PCGF3: variants seen among roughly 807,000 people sequenced by gnomAD.
The protein encoded by PCGF3 is polycomb group RING finger protein 3.
Under a neutral mutation model 33.1 loss-of-function variants are expected in PCGF3, and 7 were observed. The observed-to-expected ratio is 0.21, with a 90% confidence interval of 0.12 to 0.40. The LOEUF is 0.40. Among genes scored for constraint, PCGF3 ranks in the 10% least tolerant of loss-of-function variants. The pLI is 1.00. For synonymous variants in PCGF3, 153 were observed against 121.3 expected (o/e 1.26, Z -1.72); for missense variants, 211 against 313.3 (o/e 0.67, Z 2.46).
At chr4:730,990 G>T (rs1321734343) in exon 3 of PCGF3, 1 of 398,610 alleles carries the variant, frequency 2.5e-6, no homozygotes, top group Non-Finnish European at 4.4e-6. Context: ...AAGAGCCAGG[G>T]CCGGAAGGAG....
At chr4:715,916 G>A (rs1281195791) in intron 1 of PCGF3, among the ~76,000 whole-genome samples, 1 of 131,166 alleles carries the variant, frequency 7.6e-6, no homozygotes, top group African/African-American at 2.7e-5. Context: ...CTGGGCGTCG[G>A]TGCTGGGACC....
intron 1 of PCGF3, among the ~76,000 whole-genome samples, chr4:729,098 TCAA>T (rs1743444741): frequency 2.2e-5 from 1 of 44,752 alleles, no homozygotes. Flanking sequence ...AGACTCCATC[TCAA>T]AAAAAAAAAA....
intron 8 of PCGF3, among the ~76,000 whole-genome samples, chr4:758,165 CAAAAAA>C (rs61081270): frequency 0.19 from 10,595 of 54,730 alleles, 556 homozygotes; most frequent in African/African-American, 0.32. Flanking sequence ...GACTCTGTCT[CAAAAAA>C]AAAAAAAAAA....
At chr4:723,049 C>G (rs1356624645) in intron 1 of PCGF3, among the ~76,000 whole-genome samples, 2 of 142,692 alleles carry the variant, frequency 1.4e-5, no homozygotes, top group African/African-American at 5.3e-5. Flanking sequence ...CTCACGTCAT[C>G]GCCATCCACG....
intron 1 of PCGF3, among the ~76,000 whole-genome samples, chr4:724,783 G>A (rs1743257036): frequency 2.0e-5 from 3 of 151,912 alleles, no homozygotes; most frequent in Admixed American, 2.0e-4. Context: ...GGGCGACAGA[G>A]CGAGATTCCG....
intron 1 of PCGF3, among the ~76,000 whole-genome samples, chr4:716,277 G>C (rs374805374): frequency 7.4e-6 from 1 of 134,980 alleles, no homozygotes; most frequent in African/African-American, 2.8e-5. Context: ...CTGGGACCCT[G>C]TAGACACTGA....
At chr4:734,839 G>A (rs1743762123) in intron 4 of PCGF3, 92 bp from the exon 5 acceptor site, 13 of 1,513,618 alleles carry the variant, frequency 8.6e-6, no homozygotes, top group Admixed American at 2.1e-5. Flanking sequence ...ACAGAAACGA[G>A]CTCAGAGACG....
At position 747,602 on chromosome 4, in the gene PCGF3, G is replaced by GC. The variant is rs1310315663; in HGVS notation, c.462+2917dup. ...GTGGAGGCGTGAGCAGGTGGGCGGGGCCCGGGGGTCGCTGCAGTGTTAGTG... is the reference window on the plus strand; with the variant it reads ...GTGGAGGCGTGAGCAGGTGGGCGGGGCCCCGGGGGTCGCTGCAGTGTTAGTG... On this transcript the variant is annotated intron_variant, in intron 8 of 10. Transcript: ENST00000362003. 4.7e-4 allele frequency among the ~76,000 whole-genome samples: 12 copies of GC among 25,410 alleles called. 2 individuals are homozygous for GC. Among genetic ancestry groups the GC allele is most frequent in the Middle Eastern group, 0.018 (1 of 56 alleles). 16.7% of individuals were successfully genotyped at this position (25,410 alleles called of 152,430 possible).
rs1474323794 is a variant in PCGF3, at chr4:723,906, G to A, written c.-189-6724G>A. 4 of 152,488 alleles carry A rather than the reference G, an allele frequency of 2.6e-5. No individual in the cohort carries two copies. In the East Asian group the frequency reaches 5.8e-4, roughly 22 times the overall value. The allele number at this position is 152,488 out of a possible 1,614,324, so 9.4% of individuals were successfully genotyped here. On this transcript the variant is annotated intron_variant, in intron 1 of 10. Coordinates refer to ENST00000362003, the Ensembl canonical transcript of PCGF3. ...TGGCCGCAGCGCATTCCGGGGACAG[G>A]GCAGAGTGGAGTCAGCAGAGGGAGG...
At chr4:757,539 G>C (rs555781834) in intron 8 of PCGF3, 1 of 152,276 alleles carries the variant, frequency 6.6e-6, no homozygotes, top group African/African-American at 2.4e-5. Context: ...GCTTTCTGTT[G>C]GTGAATACTT....
chr4:761,456 C>G (rs371102392), intron 9 of PCGF3, 40 bp downstream of exon 9: 55 of 1,524,810 alleles, frequency 3.6e-5, no homozygotes, highest in Middle Eastern at 1.7e-4. Context: ...AACAAGTCCT[C>G]TCTTATTTCT....
chr4:729,824 G>A (rs1225671547), intron 1 of PCGF3, among the ~76,000 whole-genome samples: 1 of 152,194 alleles, frequency 6.6e-6, no homozygotes, highest in Non-Finnish European at 1.5e-5. Flanking sequence ...TTTAATCTCT[G>A]TCACTAAGCC....
intron 8 of PCGF3, among the ~76,000 whole-genome samples, chr4:753,099 T>C (rs1238506884): frequency 6.6e-6 from 1 of 152,226 alleles, no homozygotes; most frequent in Non-Finnish European, 1.5e-5. Flanking sequence ...AGCTGCCAGG[T>C]GGCCCAGGAG....
chr4:714,164 C>CA (rs1742703058), intron 1 of PCGF3, among the ~76,000 whole-genome samples: 1 of 152,170 alleles, frequency 6.6e-6, no homozygotes, highest in Admixed American at 6.5e-5. Flanking sequence ...CTGACCCCAC[C>CA]AGCCCCCAAA....
chr4:758,138 G>C lies in PCGF3; in HGVS notation c.463-3141G>C, dbSNP rs1744854470. On this transcript the variant is annotated intron_variant, in intron 8 of 10. Coordinates refer to ENST00000362003, the Ensembl canonical transcript of PCGF3. ...AGCCGAGATCGTGCCACGGCATCCA[G>C]CCTGGCTACAGAGGGAGACTCTGTC... Among the ~76,000 whole-genome samples the C allele has an allele frequency of 5.4e-5, 7 of 129,578 alleles. No individual in the cohort carries two copies. The South Asian group carries it at 1.5e-3, about 28-fold the overall frequency. 85.0% of individuals were successfully genotyped at this position (129,578 alleles called of 152,430 possible). A position where few individuals can be genotyped will look rare whatever the true frequency, so the allele number is the denominator to read the frequency against.
At chr4:712,468 A>G (rs1742613248) in intron 1 of PCGF3, among the ~76,000 whole-genome samples, 1 of 152,096 alleles carries the variant, frequency 6.6e-6, no homozygotes, top group Non-Finnish European at 1.5e-5. Flanking sequence ...TTGTTTTGAG[A>G]TGGAGTTTTG....
chr4:763,899 G>T (rs918133888), intron 9 of PCGF3, among the ~76,000 whole-genome samples: 1 of 152,220 alleles, frequency 6.6e-6, no homozygotes, highest in East Asian at 1.9e-4. Flanking sequence ...GTCGGGCCAA[G>T]AGCAGGCACA....
intron 4 of PCGF3, chr4:734,105 AGAG>A (rs1371595301): frequency 3.9e-6 from 6 of 1,550,590 alleles, no homozygotes; most frequent in East Asian, 2.4e-5. Context: ...CCAAATCTCC[AGAG>A]GAGTTCCTTA....
intron 4 of PCGF3, chr4:734,044 C>T (rs923796528): frequency 6.4e-6 from 10 of 1,550,586 alleles, no homozygotes; most frequent in African/African-American, 4.1e-5. Flanking sequence ...ATTCCTCCCA[C>T]GGAGCAGCAA....
Sources: allele counts gnomAD v4.1 joint callset (sites outside exome capture counted in the v4.1 genomes callset), GRCh38; gene constraint gnomAD v4.1.1; transcripts MANE v1.5; gene names NCBI Gene and HGNC (gene_info 2026-07-23, HGNC 2026-07-21).